Variants in CORIN observed in about 807,000 individuals in gnomAD.
The protein encoded by CORIN is atrial natriuretic peptide-converting enzyme.
In CORIN, 117 loss-of-function variants were observed where a neutral mutation model predicts 125.3. The ratio of observed to expected loss-of-function variants is 0.93; its 90% CI spans 0.80 to 1.09. CORIN has a LOEUF of 1.09. CORIN is among the 50% of genes least tolerant of loss of function. The probability of loss-of-function intolerance (pLI) is 0.00; values close to 1 mark genes in which losing one functional copy is unlikely to be tolerated. For synonymous variants in CORIN, 450 were observed against 466.4 expected, an observed-to-expected ratio of 0.96 and a Z score of 0.45; for missense variants, 1,253 against 1,306.7, an observed-to-expected ratio of 0.96 and a Z score of 0.63.
Position 47,720,887 on chromosome 4 carries a change from A to G in CORIN, c.799+23515T>C, listed in dbSNP as rs139168926. Among the ~76,000 whole-genome samples, 3 of 152,314 alleles carry G rather than the reference A, an allele frequency of 2.0e-5. No homozygotes were observed. In the East Asian group the frequency reaches 5.8e-4, roughly 29 times the overall value. ...TGAAACACTAACAGGCCCAGATTCAAAGGGGTTCAGATCACAGCTCAGTCA... is the reference window on the plus strand; with the variant it reads ...TGAAACACTAACAGGCCCAGATTCAGAGGGGTTCAGATCACAGCTCAGTCA... On this transcript the variant is annotated intron_variant, in intron 5 of 21. Transcript: ENST00000273857.
intron 2 of CORIN, among the ~76,000 whole-genome samples, chr4:47,799,233 A>G (rs1482770107): frequency 6.6e-6 from 1 of 151,884 alleles, no homozygotes; most frequent in African/African-American, 2.4e-5. Flanking sequence ...TAGTGCTGCC[A>G]TGAATATATG....
chr4:47,728,454 T>C (rs1324611992), intron 5 of CORIN, among the ~76,000 whole-genome samples: 1 of 152,166 alleles, frequency 6.6e-6, no homozygotes, highest in Admixed American at 6.5e-5. Context: ...CCTGGTTCTG[T>C]AAAGATCTAT....
chr4:47,615,910 G>C (rs1032300044), intron 19 of CORIN, among the ~76,000 whole-genome samples: 1 of 152,194 alleles, frequency 6.6e-6, no homozygotes, highest in African/African-American at 2.4e-5. Context: ...TTTTTTGGAA[G>C]AAGATTCTAC....
chr4:47,614,203 T>A (rs1721984443), intron 19 of CORIN, among the ~76,000 whole-genome samples: 1 of 152,198 alleles, frequency 6.6e-6, no homozygotes, highest in Non-Finnish European at 1.5e-5. Flanking sequence ...TTTGTTGTTG[T>A]TGTTTTGAGA....
At chr4:47,770,495 A>G (rs1173324789) in intron 3 of CORIN, among the ~76,000 whole-genome samples, 1 of 152,174 alleles carries the variant, frequency 6.6e-6, no homozygotes, top group Admixed American at 6.5e-5. Context: ...AAATAGAATT[A>G]CAAAACGATC....
At chr4:47,807,649 G>A (rs532038270) in intron 1 of CORIN, among the ~76,000 whole-genome samples, 4 of 152,226 alleles carry the variant, frequency 2.6e-5, no homozygotes, top group East Asian at 3.9e-4. Flanking sequence ...GGACATCCTC[G>A]GCTGCCCATG....
intron 5 of CORIN, among the ~76,000 whole-genome samples, chr4:47,696,595 CA>C: frequency 6.6e-6 from 1 of 152,220 alleles, no homozygotes; most frequent in East Asian, 1.9e-4. Flanking sequence ...AATACTACTG[CA>C]AAAATAGCAG....
At chr4:47,647,383 T>C (rs1445022059) in intron 13 of CORIN, among the ~76,000 whole-genome samples, 3 of 152,108 alleles carry the variant, frequency 2.0e-5, no homozygotes, top group Admixed American at 2.0e-4. Flanking sequence ...CATGAGTTTT[T>C]CCTGACGATT....
At chr4:47,729,443 C>G (rs76705674) in intron 5 of CORIN, among the ~76,000 whole-genome samples, 1 of 152,112 alleles carries the variant, frequency 6.6e-6, no homozygotes, top group Non-Finnish European at 1.5e-5. Context: ...ATTAAAAGAA[C>G]TGAGGGGAGA....
At chr4:47,609,535 C>T (rs1173978840) in intron 19 of CORIN, among the ~76,000 whole-genome samples, 2 of 152,024 alleles carry the variant, frequency 1.3e-5, no homozygotes, top group South Asian at 2.1e-4. Context: ...CCACCGCACC[C>T]GGCTATCCTT....
intron 10 of CORIN, 21 bp from the exon 11 acceptor site, chr4:47,665,284 C>T (rs376324881): frequency 6.5e-7 from 1 of 1,528,132 alleles, no homozygotes; most frequent in Non-Finnish European, 9.0e-7. Flanking sequence ...AACATACACA[C>T]AAATATTTTT....
chr4:47,700,917 G>A (rs1726263251), intron 5 of CORIN, among the ~76,000 whole-genome samples: 1 of 152,170 alleles, frequency 6.6e-6, no homozygotes, highest in African/African-American at 2.4e-5. Context: ...CCTTTCCGGA[G>A]GCTGCAGAGA....
At chr4:47,728,812 A>G (rs957474745) in intron 5 of CORIN, among the ~76,000 whole-genome samples, 2 of 152,212 alleles carry the variant, frequency 1.3e-5, no homozygotes, top group African/African-American at 4.8e-5. Flanking sequence ...ATATTCTGTA[A>G]GAAGCCCAAG....
At chr4:47,684,000 C>T (rs1725404499) in intron 6 of CORIN, among the ~76,000 whole-genome samples, 162 bp from the exon 7 acceptor site, 1 of 152,200 alleles carries the variant, frequency 6.6e-6, no homozygotes, top group South Asian at 2.1e-4. Flanking sequence ...GATACAACGA[C>T]CTGTTCAAGG....
intron 10 of CORIN, among the ~76,000 whole-genome samples, chr4:47,667,294 G>C (rs996737925): frequency 6.6e-6 from 1 of 152,120 alleles, no homozygotes; most frequent in African/African-American, 2.4e-5. Context: ...GTCTTTATCA[G>C]CAGCGTGAAA....
intron 4 of CORIN, among the ~76,000 whole-genome samples, chr4:47,760,244 C>T (rs759749816): frequency 1.2e-4 from 18 of 152,180 alleles, no homozygotes; most frequent in Non-Finnish European, 2.1e-4. Context: ...CTTACATCTC[C>T]GTAGAGCTCT....
At chr4:47,825,923 C>T (rs1259596097) in intron 1 of CORIN, among the ~76,000 whole-genome samples, 3 of 152,076 alleles carry the variant, frequency 2.0e-5, no homozygotes, top group African/African-American at 4.8e-5. Flanking sequence ...GGACTGGTCT[C>T]GAACTCCTGA....
intron 5 of CORIN, among the ~76,000 whole-genome samples, chr4:47,708,171 T>C (rs1317036759): frequency 6.6e-6 from 1 of 152,190 alleles, no homozygotes; most frequent in African/African-American, 2.4e-5. Flanking sequence ...TTGCCACAAA[T>C]TGGGTGGCTG....
At chr4:47,772,233 A>C (rs1577909787) in intron 3 of CORIN, among the ~76,000 whole-genome samples, 1 of 152,228 alleles carries the variant, frequency 6.6e-6, no homozygotes, top group African/African-American at 2.4e-5. Flanking sequence ...TCAAGAAACT[A>C]CTTACTGTGA....
Sources: allele counts gnomAD v4.1 joint callset (sites outside exome capture counted in the v4.1 genomes callset), GRCh38; gene constraint gnomAD v4.1.1; transcripts MANE v1.5; gene names NCBI Gene and HGNC (gene_info 2026-07-23, HGNC 2026-07-21).